The following RAPGEF1 variants were observed in gnomAD, a reference collection of about 807,000 sequenced individuals.
The protein encoded by RAPGEF1 is Rap guanine nucleotide exchange factor 1, also known as CRK SH3-binding GNRP.
RAPGEF1 carries 33 observed loss-of-function variants against 143.3 expected under a neutral mutation model. That is an observed-to-expected ratio of 0.23 (90% CI 0.17 to 0.31). The LOEUF is 0.31. Among genes scored for constraint, RAPGEF1 ranks in the 10% least tolerant of loss-of-function variants. The pLI, the probability that RAPGEF1 is intolerant of heterozygous loss-of-function variation, is 1.00. For synonymous variants in RAPGEF1, 629 were observed against 676.5 expected (o/e 0.93, Z 1.09); for missense variants, 1,199 against 1,645.4 (o/e 0.73, Z 4.69).
At chr9:131,593,124 C>T (rs902040092) in intron 17 of RAPGEF1, among the ~76,000 whole-genome samples, 6 of 152,232 alleles carry the variant, frequency 3.9e-5, no homozygotes, top group Admixed American at 2.0e-4. Flanking sequence ...GCTGAAGAGG[C>T]ACGGCTTGGG....
intron 12 of RAPGEF1, among the ~76,000 whole-genome samples, chr9:131,606,248 G>A (rs1309198683): frequency 1.3e-5 from 2 of 152,162 alleles, no homozygotes; most frequent in Admixed American, 6.5e-5. Flanking sequence ...GCTGAAGGAG[G>A]GACAGAGGTG....
chr9:131,668,944 G>A (rs1364728406), intron 1 of RAPGEF1, among the ~76,000 whole-genome samples: 1 of 152,238 alleles, frequency 6.6e-6, no homozygotes, highest in African/African-American at 2.4e-5. Flanking sequence ...TAGGATGGCT[G>A]CCAGCCTAGG....
intron 1 of RAPGEF1, among the ~76,000 whole-genome samples, chr9:131,696,006 C>A (rs1446897526): frequency 6.6e-6 from 1 of 152,224 alleles, no homozygotes; most frequent in Non-Finnish European, 1.5e-5. Context: ...CATGAAGCTG[C>A]AGTCACCTGA....
Position 131,629,189 on chromosome 9 carries a change from T to C in RAPGEF1, c.806A>G (p.Gln269Arg), listed in dbSNP as rs1228499181. Residue 269 changes from glutamine (Q) to arginine (R), a missense_variant, in exon 7 of 27, where the codon CAG becomes CGG. Gln to Arg is a conservative substitution (Grantham distance 43). Around this residue, in one of 6 missense-constraint regions of RAPGEF1, gnomAD observed 613 missense variants for 710.9 expected, o/e 0.86. Coordinates refer to ENST00000683357, the MANE Select transcript of RAPGEF1 (RefSeq NM_001377935.1). ...EILNKTTGMS[Q>R]STELLPDATD... ...GGCATCTGGGAGGAGCTCAGTTGAC[T>C]GTGACATCCCAGTCGTCTTGTTTAG... 1 of 1,613,910 alleles carries C rather than the reference T, an allele frequency of 6.2e-7. No individual in the cohort carries two copies. The highest frequency in any genetic ancestry group is 8.5e-7 in the Non-Finnish European group (1 of 1,179,888).
chr9:131,648,369 C>T (rs956636455), intron 3 of RAPGEF1, among the ~76,000 whole-genome samples: 2 of 151,796 alleles, frequency 1.3e-5, no homozygotes, highest in East Asian at 1.9e-4. Flanking sequence ...CCAGCCTGGG[C>T]GACAGAGTGA....
intron 1 of RAPGEF1, chr9:131,709,749 C>A: frequency 6.2e-7 from 1 of 1,609,992 alleles, no homozygotes; most frequent in Non-Finnish European, 8.5e-7. Context: ...AACTGAGGAC[C>A]GAGTCACTGG....
intron 12 of RAPGEF1, among the ~76,000 whole-genome samples, chr9:131,616,337 T>C (rs764624092): frequency 1.3e-5 from 2 of 152,090 alleles, no homozygotes; most frequent in African/African-American, 2.4e-5. Context: ...TGTGCAGATG[T>C]TCTTTGGTTC....
chr9:131,579,449 C>A lies in RAPGEF1; in HGVS notation c.*48G>T, dbSNP rs1334007750. 5 of 1,599,674 alleles carry A rather than the reference C, an allele frequency of 3.1e-6. No individual in the cohort carries two copies. In the South Asian group the frequency reaches 4.5e-5, roughly 14 times the overall value. On this transcript the variant is annotated 3_prime_UTR_variant, in exon 27 of 27. Transcript: ENST00000683357. ...TCCAAGGTCCTCTCCGGTCTGGGAG[C>A]TGCCCTCTGCGCCCCTCGAGCATTC...
chr9:131,633,775 A>G lies in RAPGEF1; in HGVS notation c.652-3451T>C, dbSNP rs1023587852. ...CTCCCTGCCTAGACAGAAGGTCTTT[A>G]GTCTTGACTTGCCTTAACTATCACA... On this transcript the variant is annotated intron_variant, in intron 5 of 26. Coordinates refer to ENST00000683357, the MANE Select transcript of RAPGEF1 (RefSeq NM_001377935.1). Among the ~76,000 whole-genome samples the G allele has an allele frequency of 2.0e-5, 3 of 152,220 alleles. No individual in the cohort carries two copies. The East Asian group carries it at 5.8e-4, about 29-fold the overall frequency.
intron 9 of RAPGEF1, among the ~76,000 whole-genome samples, chr9:131,627,468 C>A (rs879859098): frequency 1.7e-4 from 26 of 152,062 alleles, no homozygotes; most frequent in Non-Finnish European, 3.5e-4. Context: ...CTCTCTAAGC[C>A]CCCTGCCCAG....
Position 131,584,425 on chromosome 9 carries a change from G to A in RAPGEF1, c.3313-13C>T, listed in dbSNP as rs761846169. On this transcript the variant is annotated splice_polypyrimidine_tract_variant and intron_variant, in intron 23 of 26. Transcript: ENST00000683357. The surrounding 1 kb of genome is among the most constrained non-coding windows in gnomAD (Gnocchi z 6.8). ...GCTTCCGCAAGTGCTGCCGAGAGAG[G>A]GGCGGTGCCGTGAGGCAGGAGGGCA... The A allele has an allele frequency of 6.2e-7, 1 of 1,613,714 alleles. No individual in the cohort carries two copies. Among genetic ancestry groups the A allele is most frequent in the Non-Finnish European group, 8.5e-7 (1 of 1,179,676 alleles).
rs1158919884 is a variant in RAPGEF1, at chr9:131,628,952, G to A, written c.893+150C>T. 1.1e-5 allele frequency: 12 copies of A among 1,107,080 alleles called. No homozygotes were observed. The highest frequency in any genetic ancestry group is 7.8e-5 in the East Asian group (3 of 38,250). The allele number at this position is 1,107,080 out of a possible 1,614,324, so 68.6% of individuals were successfully genotyped here. A position where few individuals can be genotyped will look rare whatever the true frequency, so the allele number is the denominator to read the frequency against. ...TTCAGGAGAGCTCAGGGTGGCCAGC[G>A]AGGGCCGGCGGGGTGGGGACAGCTC... On this transcript the variant is annotated intron_variant, in intron 7 of 26. Coordinates refer to ENST00000683357, the MANE Select transcript of RAPGEF1 (RefSeq NM_001377935.1). This position sits in a 1 kb window ranked among gnomAD's most constrained non-coding sequence, Gnocchi z 5.7.
At chr9:131,580,118 A>G in intron 26 of RAPGEF1, 145 bp downstream of exon 26, 1 of 1,151,702 alleles carries the variant, frequency 8.7e-7, no homozygotes. Context: ...CCTGGCAGAA[A>G]CTGAAGGGCC....
intron 12 of RAPGEF1, among the ~76,000 whole-genome samples, chr9:131,612,893 G>A (rs1040465132): frequency 3.3e-5 from 5 of 152,174 alleles, no homozygotes; most frequent in African/African-American, 1.2e-4. Flanking sequence ...AGGAAAATGA[G>A]GAAGAAAATG....
At chr9:131,646,265 G>A (rs1435089651) in intron 3 of RAPGEF1, among the ~76,000 whole-genome samples, 7 of 152,210 alleles carry the variant, frequency 4.6e-5, no homozygotes, top group African/African-American at 1.7e-4. Flanking sequence ...CCACACAGCT[G>A]TAGTGACAGA....
chr9:131,584,095 A>T lies in RAPGEF1; in HGVS notation c.3414+216T>A, dbSNP rs551607723. Among the ~76,000 whole-genome samples, 1 of 152,274 alleles carries T rather than the reference A, an allele frequency of 6.6e-6. No individual in the cohort carries two copies. The highest frequency in any genetic ancestry group is 1.9e-4 in the East Asian group (1 of 5,162). On this transcript the variant is annotated intron_variant, in intron 24 of 26. Coordinates refer to ENST00000683357, the MANE Select transcript of RAPGEF1 (RefSeq NM_001377935.1). The surrounding 1 kb of genome is among the most constrained non-coding windows in gnomAD (Gnocchi z 6.8). ...AACACCGGGATGTGACCACCCCAGA[A>T]CCAACCTCGAAGCTCCCGGGGGCCT...
At chr9:131,642,331 T>A (rs1226107163) in intron 4 of RAPGEF1, among the ~76,000 whole-genome samples, 1 of 152,228 alleles carries the variant, frequency 6.6e-6, no homozygotes, top group Non-Finnish European at 1.5e-5. Context: ...AGCTTTCTCA[T>A]ACCAGAAGCA....
rs1588514844 is a variant in RAPGEF1, at chr9:131,621,554, TG to T, written c.1905+241del. Among the ~76,000 whole-genome samples the T allele has an allele frequency of 6.6e-6, 1 of 152,168 alleles. No homozygotes were observed. The highest frequency in any genetic ancestry group is 1.9e-4 in the East Asian group (1 of 5,188). The stretch of plus-strand genomic sequence containing the variant: ...GCCTGTCCCTGCTGCGCGGGGCTGC[TG>T]TGGAAAAGAAAGGTCCCTGCACCCC... On this transcript the variant is annotated intron_variant, in intron 11 of 26. Coordinates refer to ENST00000683357, the MANE Select transcript of RAPGEF1 (RefSeq NM_001377935.1). The surrounding 1 kb of genome is among the most constrained non-coding windows in gnomAD (Gnocchi z 4.5).
chr9:131,638,576 A>T, intron 5 of RAPGEF1, 59 bp downstream of exon 5: 1 of 1,586,934 alleles, frequency 6.3e-7, no homozygotes, highest in South Asian at 1.1e-5. Context: ...TGTGACAAGC[A>T]CCAGCAGGCA....
Sources: gnomAD v4.1 joint callset for allele counts (sites outside exome capture counted in the v4.1 genomes callset) on GRCh38, gnomAD v4.1.1 for gene constraint, gnomAD v4.1.1 regional missense constraint, Gnocchi (gnomAD v3.1) non-coding constraint, MANE v1.5 for transcripts, NCBI Gene and HGNC (gene_info 2026-07-23, HGNC 2026-07-21) for gene names.